Variants in REV1 observed in about 807,000 individuals in gnomAD.
REV1 encodes translesion synthesis protein REV1.
A neutral mutation model predicts 137.4 loss-of-function variants in REV1; 42 were observed. The observed-to-expected ratio is 0.31, with a 90% CI of 0.24 to 0.40. The LOEUF (loss-of-function observed/expected upper bound fraction) is 0.40. REV1 is among the 10% of genes least tolerant of loss of function. The pLI, the probability that REV1 is intolerant of heterozygous loss-of-function variation, is 1.00. For synonymous variants in REV1, 524 were observed against 519.2 expected (o/e 1.01, Z -0.12); for missense variants, 1,282 against 1,490.1 (o/e 0.86, Z 2.30).
At chr2:99,435,970 C>T (rs778587326) in intron 6 of REV1, 29 bp from the exon 7 acceptor site, 3 of 1,264,074 alleles carry the variant, frequency 2.4e-6, no homozygotes, top group South Asian at 2.5e-5. Context: ...CATTCAAACC[C>T]CAAGCTAATT....
At chr2:99,469,109 G>A (rs763944918) in intron 1 of REV1, among the ~76,000 whole-genome samples, 1 of 152,174 alleles carries the variant, frequency 6.6e-6, no homozygotes, top group African/African-American at 2.4e-5. Flanking sequence ...ATGACTGGAT[G>A]AAGGGTGGAT....
At chr2:99,411,900 T>G (rs956274530) in intron 13 of REV1, among the ~76,000 whole-genome samples, 1 of 151,976 alleles carries the variant, frequency 6.6e-6, no homozygotes, top group Non-Finnish European at 1.5e-5. Flanking sequence ...TCATCACATT[T>G]CAAATCCTTA....
intron 13 of REV1, among the ~76,000 whole-genome samples, chr2:99,411,681 T>C (rs1206276797): frequency 3.3e-5 from 5 of 150,736 alleles, no homozygotes; most frequent in Non-Finnish European, 7.4e-5. Flanking sequence ...AGTGCTGGGA[T>C]TACAGGTGTG....
chr2:99,477,269 A>C lies in REV1; in HGVS notation c.-10-12284T>G, dbSNP rs1404821169. The stretch of plus-strand genomic sequence containing the variant: ...ACTAAGTTCTGGCCAAGGAGGTATG[A>C]GCAGAGTGATGTGTACAAAAATATG... On this transcript the variant is annotated intron_variant, in intron 1 of 22. Coordinates refer to ENST00000258428, the MANE Select transcript of REV1 (RefSeq NM_016316.4). 1.2e-4 allele frequency among the ~76,000 whole-genome samples: 18 copies of C among 152,214 alleles called. 1 individual carries two copies. The highest frequency in any genetic ancestry group is 1.5e-5 in the Non-Finnish European group (1 of 68,038).
rs370200291 is a variant in REV1 at position 99,406,383 on chromosome 2, G to A, written c.2556C>T (p.Val852=). The A allele has an allele frequency of 6.2e-6, 10 of 1,613,748 alleles. No homozygotes were observed. The South Asian group carries it at 9.9e-5, about 16-fold the overall frequency. Residue 852 remains valine, a synonymous_variant, in exon 16 of 23, where the codon GTC becomes GTT. Coordinates refer to ENST00000258428, the MANE Select transcript of REV1 (RefSeq NM_016316.4). ...CTTTCTGAACTTGGAAGACATCACGGACAGAGTATGACCCACTAGGAAAGT... is the reference window on the plus strand; with the variant it reads ...CTTTCTGAACTTGGAAGACATCACGAACAGAGTATGACCCACTAGGAAAGT... ...SSHFPSGSYS[V]RDVFQVQKAK...
chr2:99,462,539 A>T lies in REV1; in HGVS notation c.138T>A (p.Ser46=). ...DAAMQKDGTS[S]TIFSGVAIYV... is the part of the protein sequence containing the mutation. Reference sequence around the variant, plus strand: ...AGATGGCAACTCCACTAAAAATTGTAGATGAAGTCCCATCCTTCTGCATAG... The same window carrying T: ...AGATGGCAACTCCACTAAAAATTGTTGATGAAGTCCCATCCTTCTGCATAG... The change falls in exon 3 of 23, where the codon TCT becomes TCA. Residue 46 remains serine, a synonymous_variant. Transcript: ENST00000258428. 6.2e-7 allele frequency: 1 copy of T among 1,613,640 alleles called. No homozygotes were observed. The highest frequency in any genetic ancestry group is 8.5e-7 in the Non-Finnish European group (1 of 1,179,820).
chr2:99,481,878 T>G (rs1361975544), intron 1 of REV1, among the ~76,000 whole-genome samples: 4 of 152,100 alleles, frequency 2.6e-5, no homozygotes, highest in African/African-American at 9.7e-5. Flanking sequence ...ACAAAAAAAT[T>G]TGACTGGCCA....
At chr2:99,412,364 G>A (rs1677295409) in intron 13 of REV1, among the ~76,000 whole-genome samples, 1 of 151,740 alleles carries the variant, frequency 6.6e-6, no homozygotes, top group African/African-American at 2.4e-5. Context: ...TGCATAAGGA[G>A]GGGTTTGCTG....
intron 4 of REV1, among the ~76,000 whole-genome samples, chr2:99,447,906 C>T (rs923478883): frequency 6.6e-6 from 1 of 152,034 alleles, no homozygotes; most frequent in Non-Finnish European, 1.5e-5. Context: ...TTAGTACAGA[C>T]AGGGTTTCAC....
chr2:99,464,280 T>A (rs1684565610), intron 2 of REV1, among the ~76,000 whole-genome samples: 1 of 152,328 alleles, frequency 6.6e-6, no homozygotes, highest in Admixed American at 6.5e-5. Context: ...TAGAAGTACA[T>A]GATGTTTTTT....
rs140633437 is a variant in REV1 at position 99,438,811 on chromosome 2, C to T, written c.1003G>A (p.Ala335Thr). The T allele has an allele frequency of 1.9e-5, 30 of 1,614,072 alleles. No homozygotes were observed. Among genetic ancestry groups the T allele is most frequent in the Non-Finnish European group, 2.4e-5 (28 of 1,180,040 alleles). The stretch of plus-strand genomic sequence containing the variant: ...GGTTTGGATGGCACTGAAGGTGCTG[C>T]CTTGCTAAACGTAGATACTGAAGAA... ...STSSVSTFSKAAPSVPSKPSD... is the reference protein window; with the variant it reads ...STSSVSTFSKTAPSVPSKPSD... The change falls in exon 6 of 23, where the codon GCA (alanine) becomes ACA (threonine). Residue 335 changes from alanine to threonine, a missense_variant. Coordinates refer to ENST00000258428, the MANE Select transcript of REV1 (RefSeq NM_016316.4).
rs1681127959 is a variant in REV1, at chr2:99,438,988, G to A, written c.826C>T (p.Leu276=). 1.9e-6 allele frequency: 3 copies of A among 1,614,198 alleles called. No individual in the cohort carries two copies. Among genetic ancestry groups the A allele is most frequent in the Non-Finnish European group, 2.5e-6 (3 of 1,180,018 alleles). The change falls in exon 6 of 23, where the codon CTG becomes TTG. Residue 276 remains leucine, a synonymous_variant. Coordinates refer to ENST00000258428, the MANE Select transcript of REV1 (RefSeq NM_016316.4). ...KSSTDFRDCT[L]QQLQQSTRNT... ...CTGGTGCTTTGCTGCAACTGCTGCA[G>A]AGTGCAGTCTCTGAAATCAGTGCTG...
chr2:99,457,450 G>A (rs1034574721), intron 3 of REV1, among the ~76,000 whole-genome samples: 1 of 152,176 alleles, frequency 6.6e-6, no homozygotes, highest in Non-Finnish European at 1.5e-5. Flanking sequence ...GGGAGGCCGA[G>A]GCAGGCAAAT....
At chr2:99,402,546 G>A (rs1675617725) in intron 21 of REV1, 98 bp downstream of exon 21, 1 of 1,230,356 alleles carries the variant, frequency 8.1e-7, no homozygotes, top group Admixed American at 2.3e-5. Context: ...CAGAGTTAGA[G>A]AAATGGGTTA....
Position 99,434,127 on chromosome 2 carries a change from T to C in REV1, c.1438+205A>G, listed in dbSNP as rs192827345. ...ATTTATACAAAGCAAATCAATCATATCTTGTAAAACATTCTTCACTCTCTA... is the reference window on the plus strand; with the variant it reads ...ATTTATACAAAGCAAATCAATCATACCTTGTAAAACATTCTTCACTCTCTA... On this transcript the variant is annotated intron_variant, in intron 8 of 22. Coordinates refer to ENST00000258428, the MANE Select transcript of REV1 (RefSeq NM_016316.4). 7.9e-4 allele frequency among the ~76,000 whole-genome samples: 121 copies of C among 152,294 alleles called. 2 individuals are homozygous for C. Among genetic ancestry groups the C allele is most frequent in the Middle Eastern group, 3.4e-3 (1 of 294 alleles).
chr2:99,487,148 CTT>C (rs1687238150), intron 1 of REV1, among the ~76,000 whole-genome samples: 1 of 152,206 alleles, frequency 6.6e-6, no homozygotes, highest in South Asian at 2.1e-4. Flanking sequence ...GGAAGAAACA[CTT>C]TGTTCAAGAA....
chr2:99,473,843 G>T (rs1244869556), intron 1 of REV1, among the ~76,000 whole-genome samples: 1 of 152,304 alleles, frequency 6.6e-6, no homozygotes, highest in East Asian at 1.9e-4. Flanking sequence ...AAGTAAGTAT[G>T]ATCTTTCCAT....
At chr2:99,441,634 C>G (rs569576034) in intron 5 of REV1, among the ~76,000 whole-genome samples, 1 of 152,192 alleles carries the variant, frequency 6.6e-6, no homozygotes, top group East Asian at 1.9e-4. Flanking sequence ...TCTTTCTATG[C>G]ATGGAACACA....
intron 4 of REV1, among the ~76,000 whole-genome samples, chr2:99,448,374 A>G (rs1682496365): frequency 6.6e-6 from 1 of 152,220 alleles, no homozygotes; most frequent in South Asian, 2.1e-4. Flanking sequence ...ATTTAAAAAT[A>G]TAAACCACTT....
Sources: gnomAD v4.1 joint callset for allele counts (sites outside exome capture counted in the v4.1 genomes callset) on GRCh38, gnomAD v4.1.1 for gene constraint, MANE v1.5 for transcripts, NCBI Gene and HGNC (gene_info 2026-07-23, HGNC 2026-07-21) for gene names.